The following FCHSD2 variants were observed in gnomAD, a reference collection of about 807,000 sequenced individuals.
The protein encoded by FCHSD2 is FCH and double SH3 domains 2, also known as F-BAR and double SH3 domains protein 2.
In FCHSD2, 38 loss-of-function variants were observed where a neutral mutation model predicts 108.1. The ratio of observed to expected loss-of-function variants is 0.35; its 90% CI spans 0.27 to 0.46. FCHSD2 has a LOEUF of 0.46. FCHSD2 is among the 20% of genes least tolerant of loss of function. FCHSD2 has a pLI of 1.00. For synonymous variants in FCHSD2, 279 were observed against 314.7 expected (o/e 0.89, Z 1.20); for missense variants, 751 against 897.8 (o/e 0.84, Z 2.09).
rs1861212012 is a variant in FCHSD2 at position 73,140,094 on chromosome 11, A to G, written c.56T>C (p.Val19Ala). The G allele has an allele frequency of 6.5e-7, 1 of 1,547,572 alleles. No homozygotes were observed. Among genetic ancestry groups the G allele is most frequent in the African/African-American group, 1.4e-5 (1 of 73,172 alleles). ...KVTQELKNIQ[V>A]EQMTKLQAKH... is the part of the protein sequence containing the mutation. ...GGCTTGAAGTTTTGTCATCTGCTCA[A>G]CTTGAATGTTTTTCAGTTCTTGTGT... The change falls in exon 2 of 20, where the codon GTT becomes GCT. Residue 19 changes from valine to alanine, a missense_variant. Physicochemically the swap from Val to Ala is moderately conservative, Grantham distance 64 (BLOSUM62 0). Coordinates refer to ENST00000409418, the MANE Select transcript of FCHSD2 (RefSeq NM_014824.3).
intron 13 of FCHSD2, among the ~76,000 whole-genome samples, chr11:72,859,569 C>T (rs769009204): frequency 6.6e-6 from 1 of 152,140 alleles, no homozygotes; most frequent in Non-Finnish European, 1.5e-5. Context: ...GGGAAAAACA[C>T]AGTATACATA....
chr11:73,033,213 G>A (rs1453779748), intron 3 of FCHSD2, among the ~76,000 whole-genome samples: 8 of 151,696 alleles, frequency 5.3e-5, no homozygotes, highest in Non-Finnish European at 1.2e-4. Context: ...GCATAAACCC[G>A]GGAGGCGGAG....
rs1243457289 is a variant in FCHSD2 at position 73,050,033 on chromosome 11, G to A, written c.165+33662C>T. On this transcript the variant is annotated intron_variant, in intron 3 of 19. Transcript: ENST00000409418. ...AATGAATTCAGGTAGAAGTTGCCAG[G>A]CCTCTCTATATAAGAAGTCAGTAAA... is the stretch of plus-strand genomic sequence containing the variant. Among the ~76,000 whole-genome samples, 7 of 152,144 alleles carry A rather than the reference G, an allele frequency of 4.6e-5. No individual in the cohort carries two copies. In the South Asian group the frequency reaches 1.5e-3, roughly 32 times the overall value.
At chr11:73,018,034 T>C (rs2135435849) in intron 3 of FCHSD2, among the ~76,000 whole-genome samples, 1 of 152,296 alleles carries the variant, frequency 6.6e-6, no homozygotes, top group East Asian at 1.9e-4. Context: ...GGTCCAAAGA[T>C]GAACAATGAA....
At position 72,958,953 on chromosome 11, in the gene FCHSD2, G is replaced by A. The variant is rs1349483631; in HGVS notation, c.705+25135C>T. Reference sequence around the variant, plus strand: ...AGTCTCTCAATTATTTTCTTGCTTCGGCACTCCTACAGGATATTACATATA... The same window carrying A: ...AGTCTCTCAATTATTTTCTTGCTTCAGCACTCCTACAGGATATTACATATA... On this transcript the variant is annotated intron_variant, in intron 8 of 19. Transcript: ENST00000409418. Among the ~76,000 whole-genome samples, 6 of 150,132 alleles carry A rather than the reference G, an allele frequency of 4.0e-5. No homozygotes were observed. The South Asian group carries it at 1.1e-3, about 27-fold the overall frequency.
chr11:72,921,987 A>G, intron 8 of FCHSD2, 37 bp from the exon 9 acceptor site: 1 of 1,493,680 alleles, frequency 6.7e-7, no homozygotes, highest in Non-Finnish European at 9.1e-7. Flanking sequence ...AAAAAATTAC[A>G]GTAAAGCCTT....
At chr11:72,913,158 C>T (rs999044506) in intron 9 of FCHSD2, among the ~76,000 whole-genome samples, 1 of 152,202 alleles carries the variant, frequency 6.6e-6, no homozygotes, top group Non-Finnish European at 1.5e-5. Context: ...GATTTAATTA[C>T]CTCCCACTGG....
At chr11:72,957,797 T>A (rs1379512279) in intron 8 of FCHSD2, among the ~76,000 whole-genome samples, 2 of 151,968 alleles carry the variant, frequency 1.3e-5, no homozygotes, top group African/African-American at 2.4e-5. Context: ...AGAATAATGA[T>A]AATGGATATA....
At chr11:73,016,391 C>CT (rs1480117563) in intron 3 of FCHSD2, among the ~76,000 whole-genome samples, 1 of 151,956 alleles carries the variant, frequency 6.6e-6, no homozygotes, top group African/African-American at 2.4e-5. Context: ...ACACTACAAC[C>CT]TTTTTTCATT....
At chr11:73,033,987 G>T (rs1858428045) in intron 3 of FCHSD2, among the ~76,000 whole-genome samples, 1 of 151,994 alleles carries the variant, frequency 6.6e-6, no homozygotes, top group Non-Finnish European at 1.5e-5. Flanking sequence ...TAGAAATCAT[G>T]AAAATATAAT....
chr11:72,954,196 A>AATTTTTTTTTTTTTTTTTTTTT lies in FCHSD2; in HGVS notation c.705+29891_705+29892insAAAAAAAAAAAAAAAAAAAAAT, dbSNP rs1565339614. 9.8e-5 allele frequency among the ~76,000 whole-genome samples: 11 copies of AATTTTTTTTTTTTTTTTTTTTT among 111,702 alleles called. 4 individuals carry two copies. The highest frequency in any genetic ancestry group is 1.0e-4 in the African/African-American group (3 of 29,398). 73.3% of individuals were successfully genotyped at this position (111,702 alleles called of 152,430 possible). On this transcript the variant is annotated intron_variant, in intron 8 of 19. Coordinates refer to ENST00000409418, the MANE Select transcript of FCHSD2 (RefSeq NM_014824.3). ...TAGAATATTAGCAGTAGATGTGGGG[A>AATTTTTTTTTTTTTTTTTTTTT]TTTTTTTTTTTTTTTTTTTTTTTTT...
intron 3 of FCHSD2, among the ~76,000 whole-genome samples, chr11:73,045,188 C>T (rs1431326827): frequency 6.6e-6 from 1 of 151,976 alleles, no homozygotes; most frequent in Non-Finnish European, 1.5e-5. Context: ...CACTGGCCAT[C>T]AGAGAAATGC....
intron 2 of FCHSD2, among the ~76,000 whole-genome samples, chr11:73,114,887 G>A (rs531211425): frequency 6.6e-6 from 1 of 152,246 alleles, no homozygotes; most frequent in East Asian, 1.9e-4. Flanking sequence ...GCCCAAAACT[G>A]AGGGAGGGGT....
At chr11:72,841,343 A>C (rs1250505703) in intron 18 of FCHSD2, 111 bp downstream of exon 18, 1 of 256,852 alleles carries the variant, frequency 3.9e-6, no homozygotes, top group Non-Finnish European at 6.4e-6. Context: ...CTGTCTCCAA[A>C]AAAAAAAAAA....
intron 8 of FCHSD2, among the ~76,000 whole-genome samples, chr11:72,935,910 C>T (rs1856290574): frequency 6.6e-6 from 1 of 152,220 alleles, no homozygotes; most frequent in Admixed American, 6.5e-5. Flanking sequence ...TGCATTACTA[C>T]TAGCATGCAA....
At chr11:73,126,339 TAAAAAAAAAAAAAA>T (rs61586562) in intron 2 of FCHSD2, among the ~76,000 whole-genome samples, 1,188 of 27,782 alleles carry the variant, frequency 0.043, 60 homozygotes, top group African/African-American at 0.092. Context: ...GATTCCATCT[TAAAAAAAAAAAAAA>T]AAAAAAAAAA....
intron 3 of FCHSD2, among the ~76,000 whole-genome samples, chr11:73,043,939 T>A (rs1858698513): frequency 6.6e-6 from 1 of 152,196 alleles, no homozygotes; most frequent in Non-Finnish European, 1.5e-5. Flanking sequence ...TGAATCATCA[T>A]CCCTTGGAAG....
At chr11:72,871,520 G>GGTTCCACTTACTTAACCTAAGTAAA (rs1565298431) in intron 12 of FCHSD2, among the ~76,000 whole-genome samples, 2 of 149,330 alleles carry the variant, frequency 1.3e-5, no homozygotes, top group Non-Finnish European at 2.9e-5. Flanking sequence ...GGTTAAGTAA[G>GGTTCCACTTACTTAACCTAAGTAAA]GTTCCACTTA....
At chr11:73,020,890 A>G (rs2135438995) in intron 3 of FCHSD2, among the ~76,000 whole-genome samples, 1 of 152,206 alleles carries the variant, frequency 6.6e-6, no homozygotes, top group Middle Eastern at 3.4e-3. Flanking sequence ...TTTTATTTAC[A>G]TTGAGACAGG....
Sources: gnomAD v4.1 joint callset for allele counts (sites outside exome capture counted in the v4.1 genomes callset) on GRCh38, gnomAD v4.1.1 for gene constraint, MANE v1.5 for transcripts, NCBI Gene and HGNC (gene_info 2026-07-23, HGNC 2026-07-21) for gene names.